Variants in NUP205 observed in about 807,000 individuals in gnomAD.
The protein encoded by NUP205 is nucleoporin 205, also known as nuclear pore complex protein Nup205.
In NUP205, 76 loss-of-function variants were observed where a neutral mutation model predicts 253.8. The ratio of observed to expected loss-of-function variants is 0.30; its 90% CI spans 0.25 to 0.36. NUP205 has a LOEUF of 0.36. NUP205 is among the 10% of genes least tolerant of loss of function. The pLI, the probability that NUP205 is intolerant of heterozygous loss-of-function variation, is 1.00. For missense variants in NUP205, 2,162 were observed against 2,425.5 expected (o/e 0.89, Z 2.28); for synonymous variants, 832 against 850.1 (o/e 0.98, Z 0.37).
chr7:135,591,171 T>C (rs1216851383), intron 10 of NUP205, among the ~76,000 whole-genome samples: 6 of 152,238 alleles, frequency 3.9e-5, no homozygotes, highest in Admixed American at 3.9e-4. Flanking sequence ...ATGTCACATG[T>C]CTTATATTTT....
chr7:135,599,313 A>G (rs763517604), intron 15 of NUP205, among the ~76,000 whole-genome samples: 2 of 152,138 alleles, frequency 1.3e-5, no homozygotes, highest in Admixed American at 6.5e-5. Flanking sequence ...GTCATTGGAT[A>G]TAGCTTGTTT....
chr7:135,581,982 T>C (rs1806318085), intron 7 of NUP205, among the ~76,000 whole-genome samples: 1 of 152,190 alleles, frequency 6.6e-6, no homozygotes, highest in Non-Finnish European at 1.5e-5. Context: ...ATTGCCTAAA[T>C]GGTCTTCAAG....
At chr7:135,612,329 G>A (rs896688070) in intron 22 of NUP205, among the ~76,000 whole-genome samples, 3 of 152,138 alleles carry the variant, frequency 2.0e-5, no homozygotes, top group Admixed American at 2.0e-4. Flanking sequence ...CATGTTTTAT[G>A]TGTGTTTCTG....
At chr7:135,600,352 T>C (rs1023987774) in intron 15 of NUP205, among the ~76,000 whole-genome samples, 1 of 152,224 alleles carries the variant, frequency 6.6e-6, no homozygotes, top group African/African-American at 2.4e-5. Context: ...GATGGAACCC[T>C]GGTCTGAGAA....
chr7:135,576,098 T>G (rs1806142492), intron 3 of NUP205, among the ~76,000 whole-genome samples, 172 bp from the exon 4 acceptor site: 1 of 152,180 alleles, frequency 6.6e-6, no homozygotes, highest in Non-Finnish European at 1.5e-5. Context: ...CCCTCGAATA[T>G]GTTGAGCAAG....
intron 3 of NUP205, among the ~76,000 whole-genome samples, chr7:135,574,147 T>A (rs1192173552): frequency 6.6e-6 from 1 of 152,122 alleles, no homozygotes; most frequent in Non-Finnish European, 1.5e-5. Flanking sequence ...TATCCTTTCT[T>A]AACCTTTGAT....
At position 135,604,322 on chromosome 7, in the gene NUP205, GTTTTC is replaced by G. The variant is rs1280806462; in HGVS notation, c.2703-9_2703-5del. On this transcript the variant is annotated splice_polypyrimidine_tract_variant and intron_variant, in intron 18 of 42. Transcript: ENST00000285968. ...AAAATTTTATCACTGTTCCTCAAAT[GTTTTC>G]TTTTCTTTAAAGATACCTATATCAT... The G allele has an allele frequency of 6.3e-7, 1 of 1,579,358 alleles. No homozygotes were observed. Among genetic ancestry groups the G allele is most frequent in the South Asian group, 1.2e-5 (1 of 84,776 alleles).
In NUP205 at chr7:135,646,762, G is replaced by A. The variant is rs144495398; in HGVS notation, c.5886+531G>A. ...ACTTTGAACAACTTACTTAACTTCC[G>A]AGCCTCAATTGCTTCATCTAAGAAA... is the stretch of plus-strand genomic sequence containing the variant. On this transcript the variant is annotated intron_variant, in intron 42 of 42. Coordinates refer to ENST00000285968, the MANE Select transcript of NUP205 (RefSeq NM_015135.3). Among the ~76,000 whole-genome samples the A allele has an allele frequency of 2.4e-3, 366 of 152,256 alleles. 2 individuals carry two copies. The highest frequency in any genetic ancestry group is 8.3e-3 in the African/African-American group (343 of 41,544).
intron 30 of NUP205, among the ~76,000 whole-genome samples, chr7:135,622,521 A>G (rs928312473): frequency 2.6e-5 from 4 of 152,112 alleles, no homozygotes; most frequent in Admixed American, 2.6e-4. Flanking sequence ...CTCTTTCAGA[A>G]TGATTTATCC....
At chr7:135,645,159 C>T (rs917917058) in intron 40 of NUP205, 141 bp downstream of exon 40, 82 of 952,890 alleles carry the variant, frequency 8.6e-5, no homozygotes, top group Non-Finnish European at 1.3e-4. Flanking sequence ...AATGTATTTC[C>T]AAATCATAGT....
At chr7:135,634,035 G>C (rs1392199439) in intron 35 of NUP205, among the ~76,000 whole-genome samples, 2 of 152,080 alleles carry the variant, frequency 1.3e-5, no homozygotes, top group African/African-American at 4.8e-5. Context: ...CGTGTATGTT[G>C]TACCTCCACA....
At chr7:135,636,800 G>GT (rs1445833049) in intron 36 of NUP205, among the ~76,000 whole-genome samples, 2 of 152,132 alleles carry the variant, frequency 1.3e-5, no homozygotes, top group African/African-American at 2.4e-5. Flanking sequence ...GAGGCCAGGA[G>GT]TTTGAGACCA....
chr7:135,615,795 T>C, intron 23 of NUP205, 121 bp from the exon 24 acceptor site: 1 of 528,336 alleles, frequency 1.9e-6, no homozygotes. Flanking sequence ...ATTATGTTGC[T>C]GAGTTTCATA....
At chr7:135,590,527 C>A (rs1806600632) in intron 10 of NUP205, among the ~76,000 whole-genome samples, 1 of 151,352 alleles carries the variant, frequency 6.6e-6, no homozygotes, top group South Asian at 2.1e-4. Context: ...TATTTTGCTA[C>A]ATCATCATAA....
In NUP205 at chr7:135,645,483, G is replaced by A; in HGVS notation, c.5699G>A (p.Cys1900Tyr). Residue 1900 changes from cysteine to tyrosine, a missense_variant, in exon 41 of 43, where the codon TGC becomes TAC. Coordinates refer to ENST00000285968, the MANE Select transcript of NUP205 (RefSeq NM_015135.3). ...LSLCSFIIET[C>Y]LFILWRHLEY... ...TCTGGTATAGTTATCATAGAGACCT[G>A]CCTATTTATTCTTTGGCGCCATCTG... 6.2e-7 allele frequency: 1 copy of A among 1,613,840 alleles called. No homozygotes were observed. Among genetic ancestry groups the A allele is most frequent in the African/African-American group, 1.3e-5 (1 of 75,028 alleles).
intron 15 of NUP205, 125 bp downstream of exon 15, chr7:135,598,332 A>G: frequency 1.2e-6 from 1 of 866,058 alleles, no homozygotes; most frequent in East Asian, 2.5e-5. Context: ...TTTGTTTTGA[A>G]ATATCTATGA....
chr7:135,625,864 C>T (rs1221382901), intron 32 of NUP205, among the ~76,000 whole-genome samples: 1 of 152,134 alleles, frequency 6.6e-6, no homozygotes, highest in Non-Finnish European at 1.5e-5. Flanking sequence ...CCTTTTTCCT[C>T]CTTCATTTAT....
chr7:135,558,082 C>A lies in NUP205; in HGVS notation c.28+110C>A. ...TCTAGGACCCCACTTATGTGCGGTG[C>A]CTGCTTTTCCCTAATTCTGGGCCTA... is the stretch of plus-strand genomic sequence containing the variant. On this transcript the variant is annotated intron_variant, in intron 1 of 42. Transcript: ENST00000285968. The A allele has an allele frequency of 4.5e-6, 4 of 897,106 alleles. No individual in the cohort carries two copies. The South Asian group carries it at 5.3e-5, about 12-fold the overall frequency. The allele number at this position is 897,106 out of a possible 1,614,324, so 55.6% of individuals were successfully genotyped here. A position where few individuals can be genotyped will look rare whatever the true frequency, so the allele number is the denominator to read the frequency against.
rs778509053 is a variant in NUP205, at chr7:135,587,861, G to A, written c.1342G>A (p.Glu448Lys). The change falls in exon 10 of 43, where the codon GAG becomes AAG. Residue 448 changes from glutamate to lysine, a missense_variant. By Grantham distance (56) the Glu-to-Lys change is moderately conservative (BLOSUM62 1). Transcript: ENST00000285968. ...DLEHLMLLIG[E>K]LYKKNPFHLE... ...CTTTGCTTACTCTTTGCAGATTGGC[G>A]AGCTATATAAAAAGAACCCTTTTCA... 8.1e-6 allele frequency: 13 copies of A among 1,611,192 alleles called. No homozygotes were observed. The highest frequency in any genetic ancestry group is 1.7e-5 in the Admixed American group (1 of 59,504).
Sources: allele counts gnomAD v4.1 joint callset (sites outside exome capture counted in the v4.1 genomes callset), GRCh38; gene constraint gnomAD v4.1.1; transcripts MANE v1.5; gene names NCBI Gene and HGNC (gene_info 2026-07-23, HGNC 2026-07-21).